Variants in TECPR1 observed in about 807,000 individuals in gnomAD.
TECPR1 encodes the protein tectonin beta-propeller repeat containing 1.
Under a neutral mutation model 162.4 loss-of-function variants are expected in TECPR1, and 122 were observed. That is an observed-to-expected ratio of 0.75 (90% CI 0.65 to 0.87). The LOEUF (loss-of-function observed/expected upper bound fraction) is 0.87, where lower values mean the gene tolerates loss of function less well. Ranked by LOEUF, TECPR1 falls within the 40% of genes least tolerant of loss-of-function variation. TECPR1 has a pLI of 0.00. For missense variants in TECPR1, 1,432 were observed against 1,618.2 expected (o/e 0.88, Z 1.97); for synonymous variants, 642 against 670.6 (o/e 0.96, Z 0.66).
intron 23 of TECPR1, among the ~76,000 whole-genome samples, chr7:98,218,994 C>T (rs111830069): frequency 0.014 from 2,062 of 152,288 alleles, 57 homozygotes; most frequent in African/African-American, 0.047. Context: ...AATTATACTA[C>T]AAGCCTACAG....
intron 15 of TECPR1, among the ~76,000 whole-genome samples, chr7:98,229,966 C>G (rs758507033): frequency 0.023 from 3,228 of 141,544 alleles, 50 homozygotes; most frequent in South Asian, 0.06. Context: ...ATCCCCCCCC[C>G]AGGGAACCTC....
At chr7:98,242,038 C>A (rs1270115760) in intron 6 of TECPR1, among the ~76,000 whole-genome samples, 1 of 152,224 alleles carries the variant, frequency 6.6e-6, no homozygotes, top group Non-Finnish European at 1.5e-5. Context: ...TGGCCATGGC[C>A]CCCCGATGGG....
intron 10 of TECPR1, among the ~76,000 whole-genome samples, chr7:98,235,628 A>T (rs1324294686): frequency 6.7e-6 from 1 of 150,292 alleles, no homozygotes; most frequent in East Asian, 1.9e-4. Context: ...TGAGGTTAGG[A>T]GTTCAAGCCT....
chr7:98,234,984 G>A (rs1360568323), intron 10 of TECPR1, among the ~76,000 whole-genome samples: 1 of 152,154 alleles, frequency 6.6e-6, no homozygotes, highest in East Asian at 1.9e-4. Flanking sequence ...GAAGTGCTGG[G>A]ACTGCAGGTG....
chr7:98,218,265 G>C (rs1346744250), intron 23 of TECPR1, among the ~76,000 whole-genome samples: 1 of 152,038 alleles, frequency 6.6e-6, no homozygotes, highest in Admixed American at 6.5e-5. Context: ...TGCACACTCG[G>C]GGCGTCCCCC....
chr7:98,246,061 T>C lies in TECPR1; in HGVS notation c.86A>G (p.Lys29Arg). 1 of 1,573,700 alleles carries C rather than the reference T, an allele frequency of 6.4e-7. No homozygotes were observed. Among genetic ancestry groups the C allele is most frequent in the African/African-American group, 1.4e-5 (1 of 74,032 alleles). Residue 29 changes from lysine to arginine, a missense_variant, in exon 3 of 26, where the codon AAG (lysine) becomes AGG (arginine). Transcript: ENST00000447648. ...STAGQYWEMCKDSQLEFKRVS... is the reference protein window; with the variant it reads ...STAGQYWEMCRDSQLEFKRVS... ...GCGCTTGAACTCCAGCTGGGAGTCC[T>C]TGCACATTTCCCAGTACTGGCCTGC...
In TECPR1 at chr7:98,241,134, C is replaced by T; in HGVS notation, c.768G>A (p.Leu256=). 2.5e-6 allele frequency: 4 copies of T among 1,612,636 alleles called. No individual in the cohort carries two copies. The South Asian group carries it at 4.4e-5, about 18-fold the overall frequency. ...CCTGTCCCTCCCAGAGTGTGGCCCACAGGAGGTCGTGGGGCCCACAGCTGA... is the reference window on the plus strand; with the variant it reads ...CCTGTCCCTCCCAGAGTGTGGCCCATAGGAGGTCGTGGGGCCCACAGCTGA... The part of the protein sequence containing the change: ...VQISCGPHDL[L]WATLWEGQAL... Residue 256 remains leucine, a synonymous_variant, in exon 7 of 26, where the codon CTG becomes CTA. Coordinates refer to ENST00000447648, the MANE Select transcript of TECPR1 (RefSeq NM_015395.3). This position sits in a 1 kb window ranked among gnomAD's most constrained non-coding sequence, Gnocchi z 5.0.
intron 10 of TECPR1, among the ~76,000 whole-genome samples, chr7:98,234,344 G>A (rs1338787594): frequency 6.6e-6 from 1 of 152,070 alleles, no homozygotes; most frequent in African/African-American, 2.4e-5. Context: ...TAGTAGAGAC[G>A]GGGTTTCACC....
At position 98,233,663 on chromosome 7, in the gene TECPR1, C is replaced by A. The variant is rs1798514572; in HGVS notation, c.1430G>T (p.Gly477Val). The change falls in exon 11 of 26, where the codon GGC (glycine) becomes GTC (valine). Residue 477 changes from glycine to valine, a missense_variant. Transcript: ENST00000447648. ...SREARPNTHP[G>V]PAPTPAELPW... ...CAGCTCGGCCGGGGTGGGGGCCGGG[C>A]CGGGGTGCGTGTTGGGTCTGGCCTC... 1 of 1,598,088 alleles carries A rather than the reference C, an allele frequency of 6.3e-7. No individual in the cohort carries two copies. The highest frequency in any genetic ancestry group is 1.7e-5 in the Admixed American group (1 of 58,836).
rs765569294 is a variant in TECPR1 at position 98,235,827 on chromosome 7, C to CAAAAAAA, written c.1181+942_1181+948dup. 7.3e-3 allele frequency among the ~76,000 whole-genome samples: 266 copies of CAAAAAAA among 36,554 alleles called. 12 individuals are homozygous for CAAAAAAA. The highest frequency in any genetic ancestry group is 0.018 in the African/African-American group (257 of 14,498). The allele number at this position is 36,554 out of a possible 152,430, so 24.0% of individuals were successfully genotyped here. A position where few individuals can be genotyped will look rare whatever the true frequency, so the allele number is the denominator to read the frequency against. Reference sequence around the variant, plus strand: ...CCTGGATGACAGAGTGAGACTGTCTCAAAAAAAAAAAAAAAAAAAAAAAAC... The same window carrying CAAAAAAA: ...CCTGGATGACAGAGTGAGACTGTCTCAAAAAAAAAAAAAAAAAAAAAAAAAAAAAAAC... On this transcript the variant is annotated intron_variant, in intron 10 of 25. Coordinates refer to ENST00000447648, the MANE Select transcript of TECPR1 (RefSeq NM_015395.3).
intron 23 of TECPR1, among the ~76,000 whole-genome samples, chr7:98,218,312 G>A (rs764923605): frequency 5.3e-5 from 8 of 152,204 alleles, no homozygotes; most frequent in Non-Finnish European, 8.8e-5. Context: ...GGGCACGGCC[G>A]GCCTCCTGAT....
In TECPR1 at chr7:98,231,062, G is replaced by A. The variant is rs769118669; in HGVS notation, c.2181C>T (p.Ser727=). Residue 727 remains serine (S), a synonymous_variant, in exon 15 of 26, where the codon TCC becomes TCT. Transcript: ENST00000447648. ...CESRKVQGRP[S]PQAIWSITCK... is the part of the protein sequence containing the mutation. Reference sequence around the variant, plus strand: ...AGGTGATGGACCAGATGGCCTGCGGGGACGGGCGGCCCTGCACCTTCCGGC... The same window carrying A: ...AGGTGATGGACCAGATGGCCTGCGGAGACGGGCGGCCCTGCACCTTCCGGC... 6.2e-7 allele frequency: 1 copy of A among 1,610,352 alleles called. No individual in the cohort carries two copies. The highest frequency in any genetic ancestry group is 1.3e-5 in the African/African-American group (1 of 74,820).
rs755047049 is a variant in TECPR1, at chr7:98,233,575, G to A, written c.1518C>T (p.Phe506=). 2.5e-6 allele frequency: 4 copies of A among 1,596,810 alleles called. No homozygotes were observed. The highest frequency in any genetic ancestry group is 3.5e-5 in the Admixed American group (2 of 56,846). Residue 506 remains phenylalanine, a synonymous_variant, in exon 11 of 26, where the codon TTC becomes TTT. Transcript: ENST00000447648. ...GAGAGGAGAGGCTGGTGGTCTCGGG[G>A]AAGCCAGCGGCCGAGTGGCTGGGCA... ...KKVPSHSAAG[F]PETTSLSSLG...
chr7:98,238,690 C>T (rs1455896791), intron 8 of TECPR1, 80 bp from the exon 9 acceptor site: 3 of 1,152,974 alleles, frequency 2.6e-6, no homozygotes, highest in Non-Finnish European at 3.8e-6. Context: ...TCAGGGAGAA[C>T]AAGTGAATAA....
chr7:98,238,731 C>G, intron 8 of TECPR1, 121 bp from the exon 9 acceptor site: 1 of 796,758 alleles, frequency 1.3e-6, no homozygotes, highest in South Asian at 1.5e-5. Flanking sequence ...CGCAAATGAG[C>G]AGTGGTACAT....
intron 16 of TECPR1, 122 bp downstream of exon 16, chr7:98,228,917 G>A: frequency 7.3e-7 from 1 of 1,369,656 alleles, no homozygotes; most frequent in Non-Finnish European, 9.7e-7. Context: ...TCACCTGTCA[G>A]CCAGCTGTTA....
chr7:98,250,071 G>C (rs889702541), intron 2 of TECPR1, among the ~76,000 whole-genome samples: 1 of 152,126 alleles, frequency 6.6e-6, no homozygotes, highest in Non-Finnish European at 1.5e-5. Flanking sequence ...CCAACTCCCT[G>C]ATCTAAGACA....
At position 98,233,845 on chromosome 7, in the gene TECPR1, G is replaced by A. The variant is rs761907100; in HGVS notation, c.1248C>T (p.Ala416=). 1 of 1,580,660 alleles carries A rather than the reference G, an allele frequency of 6.3e-7. No homozygotes were observed. Among genetic ancestry groups the A allele is most frequent in the East Asian group, 2.3e-5 (1 of 43,100 alleles). The change falls in exon 11 of 26, where the codon GCC becomes GCT. Residue 416 remains alanine (A), a synonymous_variant. Coordinates refer to ENST00000447648, the MANE Select transcript of TECPR1 (RefSeq NM_015395.3). ...GCCCTGGTCTCTCGACTTCCGAGGA[G>A]GCATCGGTGTCGCTGGGGGCAGACT... ...SGESAPSDTD[A]SSEVERPGPG...
Position 98,232,922 on chromosome 7 carries a change from T to C in TECPR1, c.1723A>G (p.Thr575Ala), listed in dbSNP as rs1435531988. The change falls in exon 12 of 26, where the codon ACC (threonine) becomes GCC (alanine). Residue 575 changes from threonine to alanine, a missense_variant. Thr to Ala is a moderately conservative substitution (Grantham distance 58, BLOSUM62 0). Coordinates refer to ENST00000447648, the MANE Select transcript of TECPR1 (RefSeq NM_015395.3). This position sits in a 1 kb window ranked among gnomAD's most constrained non-coding sequence, Gnocchi z 4.6. ...MLSLSITPAQ[T>A]AAWRKQIFQQ... ...AAGATCTGCTTCCTCCAGGCAGCGG[T>C]CTGGGCCGGCGTGATGGACAGGGAC... The C allele has an allele frequency of 1.2e-6, 2 of 1,612,780 alleles. No homozygotes were observed. The highest frequency in any genetic ancestry group is 1.1e-5 in the South Asian group (1 of 91,076).
Sources: allele counts gnomAD v4.1 joint callset (sites outside exome capture counted in the v4.1 genomes callset), GRCh38; gene constraint gnomAD v4.1.1; non-coding constraint Gnocchi (gnomAD v3.1); transcripts MANE v1.5; gene names NCBI Gene and HGNC (gene_info 2026-07-23, HGNC 2026-07-21).